The following RAP1GDS1 variants were observed in gnomAD, a reference collection of about 807,000 sequenced individuals.
The protein encoded by RAP1GDS1 is Rap1 GTPase-GDP dissociation stimulator 1, also known as RAP1, GTP-GDP dissociation stimulator 1.
A neutral mutation model predicts 71.1 loss-of-function variants in RAP1GDS1; 35 were observed. The ratio of observed to expected loss-of-function variants is 0.49; its 90% CI spans 0.38 to 0.65. The LOEUF is 0.65. Ranked by LOEUF, RAP1GDS1 falls within the 30% of genes least tolerant of loss-of-function variation. The pLI, the probability that RAP1GDS1 is intolerant of heterozygous loss-of-function variation, is 0.00. For synonymous variants in RAP1GDS1, 229 were observed against 243.1 expected, an observed-to-expected ratio of 0.94 and a Z score of 0.54; for missense variants, 663 against 706.1, an observed-to-expected ratio of 0.94 and a Z score of 0.69.
chr4:98,291,715 T>TG (rs3840495), intron 1 of RAP1GDS1, among the ~76,000 whole-genome samples: 22,360 of 152,132 alleles, frequency 0.15, 2,445 homozygotes, highest in African/African-American at 0.3. Context: ...ATTTTGTCAC[T>TG]GTACACCTGG....
chr4:98,325,920 TA>T lies in RAP1GDS1; in HGVS notation c.113-17208del, dbSNP rs34314578. 7.4e-4 allele frequency among the ~76,000 whole-genome samples: 110 copies of T among 148,580 alleles called. 1 individual carries two copies. The East Asian group carries it at 0.016, about 22-fold the overall frequency. On this transcript the variant is annotated intron_variant, in intron 2 of 14. Coordinates refer to ENST00000408927, the MANE Select transcript of RAP1GDS1 (RefSeq NM_001100427.2). ...ACATGTACCCTAAAACTTAAAGTAT[TA>T]AAAAAAAAAAGATTCAGTGTAGTTG...
intron 14 of RAP1GDS1, among the ~76,000 whole-genome samples, chr4:98,440,885 G>T (rs1751771126): frequency 6.6e-6 from 1 of 152,088 alleles, no homozygotes; most frequent in South Asian, 2.1e-4. Context: ...TAGAGATGGG[G>T]TTTCTCCATG....
chr4:98,323,358 T>TA (rs1732318802), intron 2 of RAP1GDS1, among the ~76,000 whole-genome samples: 1 of 138,774 alleles, frequency 7.2e-6, no homozygotes, highest in South Asian at 2.4e-4. Flanking sequence ...GAGGAACTGG[T>TA]ACCATTCCTT....
chr4:98,262,534 T>G (rs182084504), intron 1 of RAP1GDS1, among the ~76,000 whole-genome samples: 1 of 152,342 alleles, frequency 6.6e-6, no homozygotes, highest in African/African-American at 2.4e-5. Flanking sequence ...ATGAATGCTG[T>G]CATGTAATTA....
At chr4:98,269,855 G>A (rs1560748015) in intron 1 of RAP1GDS1, among the ~76,000 whole-genome samples, 1 of 152,122 alleles carries the variant, frequency 6.6e-6, no homozygotes, top group Admixed American at 6.5e-5. Context: ...AAAGCATTTT[G>A]CATAAGGGAT....
intron 6 of RAP1GDS1, among the ~76,000 whole-genome samples, chr4:98,401,966 TTACC>T (rs1360762253): frequency 6.6e-6 from 1 of 152,188 alleles, no homozygotes; most frequent in African/African-American, 2.4e-5. Context: ...TCTATATACT[TTACC>T]TATGATTTTA....
At chr4:98,294,661 A>G (rs951774393) in intron 2 of RAP1GDS1, among the ~76,000 whole-genome samples, 6 of 152,122 alleles carry the variant, frequency 3.9e-5, no homozygotes, top group Admixed American at 3.9e-4. Flanking sequence ...AAGTAAATAA[A>G]ATGTAAAAGG....
chr4:98,395,227 C>CTA (rs552820579), intron 6 of RAP1GDS1, among the ~76,000 whole-genome samples: 1 of 151,842 alleles, frequency 6.6e-6, no homozygotes, highest in African/African-American at 2.4e-5. Context: ...GTTATTTTTA[C>CTA]TATATATATA....
chr4:98,436,482 T>G (rs1275151062), intron 13 of RAP1GDS1, among the ~76,000 whole-genome samples: 1 of 152,178 alleles, frequency 6.6e-6, no homozygotes, highest in African/African-American at 2.4e-5. Flanking sequence ...TGCTAGGATT[T>G]TGATTGAAAT....
At chr4:98,304,810 G>C (rs112785676) in intron 2 of RAP1GDS1, among the ~76,000 whole-genome samples, 4 of 152,118 alleles carry the variant, frequency 2.6e-5, no homozygotes, top group Middle Eastern at 3.4e-3. Flanking sequence ...TTTCTTCTAG[G>C]GTTTCATAGT....
chr4:98,311,958 A>C (rs560685985), intron 2 of RAP1GDS1, among the ~76,000 whole-genome samples: 2 of 152,180 alleles, frequency 1.3e-5, no homozygotes. Context: ...TGTTCTTAAA[A>C]ACAATTAGGC....
At chr4:98,423,596 A>G (rs1749187117) in intron 12 of RAP1GDS1, among the ~76,000 whole-genome samples, 1 of 151,804 alleles carries the variant, frequency 6.6e-6, no homozygotes, top group South Asian at 2.1e-4. Context: ...CCGGGCTGGA[A>G]TGCAATGGTG....
chr4:98,355,297 A>G (rs1737795548), intron 4 of RAP1GDS1, among the ~76,000 whole-genome samples: 1 of 152,206 alleles, frequency 6.6e-6, no homozygotes, highest in African/African-American at 2.4e-5. Context: ...CAATACAAAG[A>G]ATCTTCTTCT....
chr4:98,291,682 T>C (rs541056882), intron 1 of RAP1GDS1, among the ~76,000 whole-genome samples: 2 of 151,960 alleles, frequency 1.3e-5, no homozygotes, highest in Non-Finnish European at 1.5e-5. Context: ...AGTAATTTAC[T>C]GCTGAATTAT....
chr4:98,267,586 A>C (rs575276534), intron 1 of RAP1GDS1, among the ~76,000 whole-genome samples: 1 of 152,246 alleles, frequency 6.6e-6, no homozygotes, highest in South Asian at 2.1e-4. Context: ...TATAAATGAG[A>C]ACATGTGGTA....
chr4:98,431,981 G>A (rs1170320682), intron 12 of RAP1GDS1, among the ~76,000 whole-genome samples: 1 of 151,926 alleles, frequency 6.6e-6, no homozygotes, highest in Non-Finnish European at 1.5e-5. Flanking sequence ...TGTGCACAAC[G>A]TGCAGATTTG....
At chr4:98,262,264 G>T (rs1249675164) in intron 1 of RAP1GDS1, among the ~76,000 whole-genome samples, 1 of 152,136 alleles carries the variant, frequency 6.6e-6, no homozygotes, top group Non-Finnish European at 1.5e-5. Context: ...GGATTCCTTC[G>T]TCCGTCTTCT....
intron 2 of RAP1GDS1, among the ~76,000 whole-genome samples, chr4:98,312,764 C>T (rs974201449): frequency 8.1e-5 from 12 of 148,516 alleles, no homozygotes; most frequent in African/African-American, 1.7e-4. Context: ...TAGGTATGGG[C>T]GGGGGGAGAG....
intron 2 of RAP1GDS1, among the ~76,000 whole-genome samples, chr4:98,304,042 T>C (rs1728957027): frequency 1.3e-5 from 2 of 152,204 alleles, no homozygotes; most frequent in South Asian, 4.1e-4. Flanking sequence ...CTAATTCCTT[T>C]TTATGGCTGC....
Sources: gnomAD v4.1 joint callset for allele counts (sites outside exome capture counted in the v4.1 genomes callset) on GRCh38, gnomAD v4.1.1 for gene constraint, MANE v1.5 for transcripts, NCBI Gene and HGNC (gene_info 2026-07-23, HGNC 2026-07-21) for gene names.